Variants in CORO2B observed in about 807,000 individuals in gnomAD.
CORO2B encodes coronin-2B.
A neutral mutation model predicts 58.8 loss-of-function variants in CORO2B; 26 were observed. The observed-to-expected ratio is 0.44, with a 90% confidence interval of 0.32 to 0.61. The LOEUF (loss-of-function observed/expected upper bound fraction) is 0.61. CORO2B is among the 20% of genes least tolerant of loss of function. The pLI, the probability that CORO2B is intolerant of heterozygous loss-of-function variation, is 0.04. For synonymous variants in CORO2B, 242 were observed against 253.8 expected, an observed-to-expected ratio of 0.95 and a Z score of 0.44; for missense variants, 460 against 645.1, an observed-to-expected ratio of 0.71 and a Z score of 3.11.
intron 1 of CORO2B, among the ~76,000 whole-genome samples, chr15:68,601,961 C>T (rs1017168402): frequency 3.3e-5 from 5 of 151,668 alleles, no homozygotes; most frequent in Admixed American, 6.6e-5. Flanking sequence ...CACTGTGTCC[C>T]AGCATGGCGG....
chr15:68,685,747 A>T (rs1344455320), intron 2 of CORO2B, among the ~76,000 whole-genome samples: 1 of 102,576 alleles, frequency 9.7e-6, no homozygotes, highest in African/African-American at 3.1e-5. Context: ...TTGGGATTAA[A>T]TTGATATTTA....
chr15:68,667,701 C>T (rs1170996225), intron 2 of CORO2B, among the ~76,000 whole-genome samples: 2 of 152,212 alleles, frequency 1.3e-5, no homozygotes, highest in African/African-American at 2.4e-5. Flanking sequence ...TCAGTTTCCC[C>T]ATCTGTGAGA....
intron 1 of CORO2B, chr15:68,632,417 T>C (rs1446785372): frequency 2.0e-6 from 2 of 985,294 alleles, no homozygotes; most frequent in African/African-American, 1.7e-5. Flanking sequence ...GGACTCTTCA[T>C]TTGCTAACAC....
chr15:68,544,364 A>C, the CORO2B span, among the ~76,000 whole-genome samples: 3 of 152,212 alleles, frequency 2.0e-5, no homozygotes, highest in Non-Finnish European at 4.4e-5. Context: ...TCCACTCTGC[A>C]CACATGGACT....
chr15:68,620,062 C>G (rs1418259268), intron 1 of CORO2B, among the ~76,000 whole-genome samples: 3 of 152,096 alleles, frequency 2.0e-5, no homozygotes, highest in African/African-American at 7.2e-5. Flanking sequence ...CAGGCGCACG[C>G]CACAACACCT....
intron 1 of CORO2B, among the ~76,000 whole-genome samples, chr15:68,621,509 A>C (rs1370437617): frequency 6.6e-6 from 1 of 152,190 alleles, no homozygotes; most frequent in Non-Finnish European, 1.5e-5. Context: ...AGGGTTCCAC[A>C]CTGGCCTGAA....
chr15:68,713,458 C>T (rs1567018309), intron 5 of CORO2B, among the ~76,000 whole-genome samples: 1 of 152,200 alleles, frequency 6.6e-6, no homozygotes, highest in Non-Finnish European at 1.5e-5. Flanking sequence ...AACAAATGCC[C>T]ACAAACTAGG....
chr15:68,655,070 A>G (rs965822922), intron 2 of CORO2B, among the ~76,000 whole-genome samples: 9 of 152,172 alleles, frequency 5.9e-5, no homozygotes, highest in African/African-American at 2.2e-4. Flanking sequence ...CAGGGCTGCC[A>G]TGGAGCCTGG....
chr15:68,623,412 A>G (rs184753707), intron 1 of CORO2B, among the ~76,000 whole-genome samples: 62 of 152,278 alleles, frequency 4.1e-4, no homozygotes, highest in African/African-American at 1.4e-3. Context: ...GGCAGTGTCC[A>G]TGCATGTGGA....
chr15:68,561,023 A>G, the CORO2B span, among the ~76,000 whole-genome samples: 1 of 152,150 alleles, frequency 6.6e-6, no homozygotes, highest in Non-Finnish European at 1.5e-5. Flanking sequence ...CCCCAAAGGA[A>G]TGGCACACAG....
intron 1 of CORO2B, among the ~76,000 whole-genome samples, chr15:68,588,030 GTCTA>G (rs1363077907): frequency 1.3e-5 from 2 of 152,228 alleles, no homozygotes; most frequent in Non-Finnish European, 2.9e-5. Flanking sequence ...GAAGTTAGTA[GTCTA>G]TCTCTGTAGG....
chr15:68,605,556 C>G (rs1348579526), intron 1 of CORO2B, among the ~76,000 whole-genome samples: 1 of 151,976 alleles, frequency 6.6e-6, no homozygotes, highest in East Asian at 1.9e-4. Flanking sequence ...AATATTCGTG[C>G]TAAGTGAAAA....
chr15:68,717,589 C>T (rs1229570447), intron 8 of CORO2B, among the ~76,000 whole-genome samples: 1 of 152,176 alleles, frequency 6.6e-6, no homozygotes, highest in African/African-American at 2.4e-5. Flanking sequence ...ATCCTCCTCA[C>T]CTGTGACCAC....
At chr15:68,696,879 C>G (rs989213069) in intron 3 of CORO2B, among the ~76,000 whole-genome samples, 3 of 152,210 alleles carry the variant, frequency 2.0e-5, no homozygotes, top group African/African-American at 7.2e-5. Flanking sequence ...AGGCCACAAG[C>G]ATCTACCTGG....
At chr15:68,578,542 G>T (rs1899331137), upstream of CORO2B, among the ~76,000 whole-genome samples, 1 of 152,134 alleles carries the variant, frequency 6.6e-6, no homozygotes, top group Non-Finnish European at 1.5e-5. The surrounding 1 kb of genome is among the most constrained non-coding windows in gnomAD (Gnocchi z 4.2). Flanking sequence ...CCGGGCTTGC[G>T]GCTGCCACGC....
chr15:68,579,723 C>A (rs1363099271), intron 1 of CORO2B, among the ~76,000 whole-genome samples: 2 of 152,204 alleles, frequency 1.3e-5, no homozygotes. Context: ...ACCCCACCTG[C>A]CAGCCTCTGC....
chr15:68,629,327 T>C (rs1900764025), intron 1 of CORO2B, among the ~76,000 whole-genome samples: 1 of 152,146 alleles, frequency 6.6e-6, no homozygotes, highest in African/African-American at 2.4e-5. Context: ...AGGGTGTAAG[T>C]GGGGGCTGAA....
intron 1 of CORO2B, among the ~76,000 whole-genome samples, chr15:68,605,208 G>T (rs1476963314): frequency 6.6e-6 from 1 of 152,036 alleles, no homozygotes; most frequent in Non-Finnish European, 1.5e-5. Flanking sequence ...GTCGTCCAAA[G>T]TTGTATAAGC....
chr15:68,612,729 G>T (rs1356496658), intron 1 of CORO2B, among the ~76,000 whole-genome samples: 3 of 152,218 alleles, frequency 2.0e-5, no homozygotes, highest in Non-Finnish European at 4.4e-5. Context: ...AGAAACTCAT[G>T]ATCCTCACGC....
Sources: allele counts gnomAD v4.1 joint callset (sites outside exome capture counted in the v4.1 genomes callset), GRCh38; gene constraint gnomAD v4.1.1; non-coding constraint Gnocchi (gnomAD v3.1); transcripts MANE v1.5; gene names NCBI Gene and HGNC (gene_info 2026-07-23, HGNC 2026-07-21).